The following ABR variants were observed in gnomAD, a reference collection of about 807,000 sequenced individuals.
The protein encoded by ABR is active breakpoint cluster region-related protein.
Under a neutral mutation model 107.2 loss-of-function variants are expected in ABR, and 35 were observed. That is an observed-to-expected ratio of 0.33 (90% CI 0.25 to 0.43). ABR has a LOEUF of 0.43. Among genes scored for constraint, ABR ranks in the 20% least tolerant of loss-of-function variants. ABR has a pLI of 1.00. For missense variants in ABR, 815 were observed against 1,115.2 expected (o/e 0.73, Z 3.83); for synonymous variants, 498 against 462.0 (o/e 1.08, Z -1.00).
chr17:1,088,938 C>G (rs2036827265), intron 4 of ABR, among the ~76,000 whole-genome samples: 1 of 143,384 alleles, frequency 7.0e-6, no homozygotes, highest in Non-Finnish European at 1.5e-5. Flanking sequence ...GTCTGTCATC[C>G]AGGCTGGAGT....
At chr17:1,172,920 G>A (rs1345369325) in intron 1 of ABR, among the ~76,000 whole-genome samples, 1 of 150,936 alleles carries the variant, frequency 6.6e-6, no homozygotes, top group Non-Finnish European at 1.5e-5. Flanking sequence ...GGAGAAAAGT[G>A]CCAAGAATAT....
chr17:1,224,682 C>T (rs2150767511), intron 1 of ABR, among the ~76,000 whole-genome samples: 1 of 152,198 alleles, frequency 6.6e-6, no homozygotes, highest in African/African-American at 2.4e-5. Flanking sequence ...CTTATTCATT[C>T]ATATTTTTTA....
chr17:1,180,033 T>C (rs1170740715), upstream of ABR, among the ~76,000 whole-genome samples: 1 of 19,242 alleles, frequency 5.2e-5, no homozygotes, highest in African/African-American at 2.6e-4. Context: ...GGCGGGGCTT[T>C]GGTGCGGGGG....
chr17:1,109,123 G>C lies in ABR; in HGVS notation c.247-8388C>G. Reference sequence around the variant, plus strand: ...GAAGCGGGGTCCACGCAGCGGCGGCGGGAGGAGGGAGGAGGGAGGAGGCGG... The same window carrying C: ...GAAGCGGGGTCCACGCAGCGGCGGCCGGAGGAGGGAGGAGGGAGGAGGCGG... On this transcript the variant is annotated intron_variant, in intron 2 of 22. Coordinates refer to ENST00000302538, the MANE Select transcript of ABR (RefSeq NM_021962.5). The C allele has an allele frequency of 2.0e-6, 3 of 1,516,086 alleles. No individual in the cohort carries two copies. In the Admixed American group the frequency reaches 6.2e-5, roughly 31 times the overall value. The allele number at this position is 1,516,086 out of a possible 1,614,324, so 93.9% of individuals were successfully genotyped here. A position where few individuals can be genotyped will look rare whatever the true frequency, so the allele number is the denominator to read the frequency against.
At position 1,079,788 on chromosome 17, in the gene ABR, C is replaced by CAAAAAAAAAAAA. The variant is rs57412625; in HGVS notation, c.640-410_640-399dup. Among the ~76,000 whole-genome samples, 17 of 55,112 alleles carry CAAAAAAAAAAAA rather than the reference C, an allele frequency of 3.1e-4. 1 individual carries two copies. The highest frequency in any genetic ancestry group is 4.5e-4 in the African/African-American group (8 of 17,792). The allele number at this position is 55,112 out of a possible 152,430, so 36.2% of individuals were successfully genotyped here. ...TGGGCAACAGGGCGAGACTCTGTCT[C>CAAAAAAAAAAAA]AAAAAAAAAAAAAAAAAAAAAAAAA... is the stretch of plus-strand genomic sequence containing the variant. On this transcript the variant is annotated intron_variant, in intron 5 of 22. Transcript: ENST00000302538.
chr17:1,167,460 A>C (rs2030287561), intron 1 of ABR, among the ~76,000 whole-genome samples: 1 of 152,192 alleles, frequency 6.6e-6, no homozygotes, highest in Non-Finnish European at 1.5e-5. Flanking sequence ...GTTGCGGGGA[A>C]GGGAGAACCA....
At chr17:1,142,974 G>GA (rs2040354288) in intron 1 of ABR, among the ~76,000 whole-genome samples, 1 of 151,792 alleles carries the variant, frequency 6.6e-6, no homozygotes, top group Non-Finnish European at 1.5e-5. Flanking sequence ...TCACTCCTGG[G>GA]GGACAGCTCG....
At chr17:1,117,958 T>C (rs1423966529) in intron 2 of ABR, among the ~76,000 whole-genome samples, 13 of 89,244 alleles carry the variant, frequency 1.5e-4, no homozygotes, top group South Asian at 3.7e-4. Flanking sequence ...GAGCCTGAGT[T>C]CTCCCCAGCG....
chr17:1,120,047 A>T (rs2039278542), intron 2 of ABR, among the ~76,000 whole-genome samples: 1 of 152,080 alleles, frequency 6.6e-6, no homozygotes, highest in Non-Finnish European at 1.5e-5. Context: ...GGAGTGAACT[A>T]CCATGCCCAG....
intron 1 of ABR, among the ~76,000 whole-genome samples, chr17:1,173,312 CCCATCACCTCA>C (rs2041811140): frequency 9.0e-6 from 1 of 111,554 alleles, no homozygotes; most frequent in Admixed American, 9.0e-5. Context: ...GTCCACCCCC[CCCATCACCTCA>C]GCCCACCCAA....
intron 10 of ABR, among the ~76,000 whole-genome samples, chr17:1,062,077 T>G (rs573263534): frequency 6.6e-6 from 1 of 152,102 alleles, no homozygotes; most frequent in East Asian, 1.9e-4. Context: ...CCAGGGGTGG[T>G]GAGGCCTAAG....
At chr17:1,206,910 C>T (rs775169468) in intron 1 of ABR, among the ~76,000 whole-genome samples, 1 of 152,092 alleles carries the variant, frequency 6.6e-6, no homozygotes, top group Non-Finnish European at 1.5e-5. Context: ...CATGGTAAAA[C>T]CCCGTCTCTA....
chr17:1,135,652 G>A (rs1259602778), intron 1 of ABR, among the ~76,000 whole-genome samples: 1 of 152,144 alleles, frequency 6.6e-6, no homozygotes, highest in East Asian at 1.9e-4. Context: ...GGAGCAGGCA[G>A]ATCACCGGAG....
intron 16 of ABR, among the ~76,000 whole-genome samples, chr17:1,040,564 C>T (rs966809531): frequency 3.3e-5 from 5 of 152,226 alleles, no homozygotes; most frequent in South Asian, 2.1e-4. Flanking sequence ...AATGCTGCCT[C>T]GGCCAGCCAA....
intron 18 of ABR, 121 bp from the exon 19 acceptor site, chr17:1,012,106 G>GGGGGCA (rs749209168): frequency 2.9e-5 from 43 of 1,507,650 alleles, no homozygotes; most frequent in Non-Finnish European, 2.8e-5. Flanking sequence ...GAGCTGGGGC[G>GGGGGCA]GGGGCAGGGG....
At chr17:1,028,145 C>T (rs1275374057) in intron 16 of ABR, among the ~76,000 whole-genome samples, 4 of 152,146 alleles carry the variant, frequency 2.6e-5, no homozygotes, top group African/African-American at 4.8e-5. Flanking sequence ...GGCTGGAGTG[C>T]AGTGGCATGA....
At chr17:1,088,892 ATTT>A (rs56669324) in intron 4 of ABR, among the ~76,000 whole-genome samples, 3 of 102,484 alleles carry the variant, frequency 2.9e-5, no homozygotes, top group Non-Finnish European at 3.8e-5. Context: ...GTGCCCAGCC[ATTT>A]TTTTTTTTTT....
At chr17:1,104,775 CG>C (rs1487421248) in intron 2 of ABR, among the ~76,000 whole-genome samples, 1 of 152,202 alleles carries the variant, frequency 6.6e-6, no homozygotes, top group Non-Finnish European at 1.5e-5. Context: ...ACAGAGAAGA[CG>C]GGTCAACTGC....
At chr17:1,026,758 T>C (rs2072230589) in intron 16 of ABR, among the ~76,000 whole-genome samples, 1 of 152,170 alleles carries the variant, frequency 6.6e-6, no homozygotes, top group Admixed American at 6.5e-5. Flanking sequence ...TGCCCCAGCA[T>C]GAGTTCACAG....
Sources: gnomAD v4.1 joint callset for allele counts (sites outside exome capture counted in the v4.1 genomes callset) on GRCh38, gnomAD v4.1.1 for gene constraint, MANE v1.5 for transcripts, NCBI Gene and HGNC (gene_info 2026-07-23, HGNC 2026-07-21) for gene names.